The following CAMTA1 variants were observed in gnomAD, a reference collection of about 807,000 sequenced individuals.
CAMTA1 encodes calmodulin binding transcription activator 1.
A neutral mutation model predicts 170.9 loss-of-function variants in CAMTA1; 27 were observed. The ratio of observed to expected loss-of-function variants is 0.16; its 90% CI spans 0.12 to 0.22. CAMTA1 has a LOEUF of 0.22. CAMTA1 is among the 10% of genes least tolerant of loss of function. CAMTA1 has a pLI of 1.00. For synonymous variants in CAMTA1, 833 were observed against 891.5 expected (o/e 0.93, Z 1.17); for missense variants, 1,619 against 2,217.2 (o/e 0.73, Z 5.42).
At chr1:7,706,692 C>T (rs757140950) in intron 11 of CAMTA1, among the ~76,000 whole-genome samples, 2 of 152,084 alleles carry the variant, frequency 1.3e-5, no homozygotes, top group Non-Finnish European at 2.9e-5. Context: ...ATAAATTTAA[C>T]CTAGTAGTGA....
chr1:7,747,695 T>A lies in CAMTA1; in HGVS notation c.4618-15T>A. 1 of 1,572,782 alleles carries A rather than the reference T, an allele frequency of 6.4e-7. No individual in the cohort carries two copies. On this transcript the variant is annotated splice_polypyrimidine_tract_variant and intron_variant, in intron 18 of 22. Transcript: ENST00000303635. ...AATCATTACTGATTTTTTTTCTCCT[T>A]ACTTTACCCTTAAGGGCCGACCCTT... is the stretch of plus-strand genomic sequence containing the variant.
At chr1:7,529,403 C>T (rs919962741) in intron 6 of CAMTA1, among the ~76,000 whole-genome samples, 4 of 152,146 alleles carry the variant, frequency 2.6e-5, no homozygotes, top group African/African-American at 4.8e-5. Flanking sequence ...ATGACGCATA[C>T]CTCCTGGCCT....
chr1:7,235,237 G>T (rs1420641545), intron 4 of CAMTA1, among the ~76,000 whole-genome samples: 1 of 152,080 alleles, frequency 6.6e-6, no homozygotes, highest in Non-Finnish European at 1.5e-5. Flanking sequence ...TGGTTGTTCG[G>T]GATCAGCCTT....
chr1:6,989,620 C>G (rs1695982962), intron 3 of CAMTA1, among the ~76,000 whole-genome samples: 1 of 152,252 alleles, frequency 6.6e-6, no homozygotes, highest in South Asian at 2.1e-4. Flanking sequence ...TAAACCTCTT[C>G]ATTTGGGTGG....
At chr1:6,792,634 A>C (rs1458899572) in intron 1 of CAMTA1, among the ~76,000 whole-genome samples, 1 of 152,060 alleles carries the variant, frequency 6.6e-6, no homozygotes, top group Non-Finnish European at 1.5e-5. Context: ...AGATGGAATG[A>C]CTAGAGATTT....
rs557032219 is a variant in CAMTA1, at chr1:7,585,105, G to C, written c.511-55295G>C. ...ATTCACACAAAGAGGGATGAACTGA[G>C]ACTATAAGTAGCCTCACATCAGTTC... On this transcript the variant is annotated intron_variant, in intron 6 of 22. Transcript: ENST00000303635. This position sits in a 1 kb window ranked among gnomAD's most constrained non-coding sequence, Gnocchi z 4.8. Among the ~76,000 whole-genome samples, 33 of 152,260 alleles carry C rather than the reference G, an allele frequency of 2.2e-4. No individual in the cohort carries two copies. The highest frequency in any genetic ancestry group is 3.7e-4 in the Non-Finnish European group (25 of 68,024).
At chr1:7,243,249 T>C (rs1665211163) in intron 4 of CAMTA1, among the ~76,000 whole-genome samples, 1 of 152,254 alleles carries the variant, frequency 6.6e-6, no homozygotes, top group South Asian at 2.1e-4. Context: ...AAATAAACTT[T>C]ACAATAAAAT....
chr1:7,528,627 G>A (rs1011121176), intron 6 of CAMTA1, among the ~76,000 whole-genome samples: 2 of 152,120 alleles, frequency 1.3e-5, no homozygotes, highest in Non-Finnish European at 2.9e-5. Context: ...ACAGTGGCTG[G>A]TCCTGGGAAA....
At chr1:7,335,349 C>G (rs574113898) in intron 5 of CAMTA1, among the ~76,000 whole-genome samples, 2 of 152,276 alleles carry the variant, frequency 1.3e-5, no homozygotes, top group African/African-American at 4.8e-5. Flanking sequence ...ACCAGTAGCA[C>G]ATTCCTATCG....
intron 5 of CAMTA1, among the ~76,000 whole-genome samples, chr1:7,274,786 C>G (rs2149421842): frequency 6.6e-6 from 1 of 151,998 alleles, no homozygotes; most frequent in African/African-American, 2.4e-5. Flanking sequence ...GAAAAATTCC[C>G]AAATATGTGG....
intron 11 of CAMTA1, among the ~76,000 whole-genome samples, chr1:7,707,157 T>G (rs560481454): frequency 6.6e-6 from 1 of 152,240 alleles, no homozygotes; most frequent in East Asian, 1.9e-4. Flanking sequence ...GTGATGGGAT[T>G]ACAGGCGTGA....
chr1:6,859,636 A>C (rs1194040809), intron 3 of CAMTA1, among the ~76,000 whole-genome samples: 2 of 152,128 alleles, frequency 1.3e-5, no homozygotes, highest in Middle Eastern at 3.2e-3. Flanking sequence ...CAAAATAAAC[A>C]AAATTAGCTG....
rs2092593414 is a variant in CAMTA1 at position 7,443,229 on chromosome 1, G to T, written c.439-24601G>T. ...ATACCCTAGACGTGTATGATGATCTGCATGAAGTCCATTTCCCCACTTTCG... is the reference window on the plus strand; with the variant it reads ...ATACCCTAGACGTGTATGATGATCTTCATGAAGTCCATTTCCCCACTTTCG... On this transcript the variant is annotated intron_variant, in intron 5 of 22. Coordinates refer to ENST00000303635, the MANE Select transcript of CAMTA1 (RefSeq NM_015215.4). The surrounding 1 kb of genome is among the most constrained non-coding windows in gnomAD (Gnocchi z 4.1). Among the ~76,000 whole-genome samples the T allele has an allele frequency of 6.6e-6, 1 of 152,234 alleles. No homozygotes were observed. Among genetic ancestry groups the T allele is most frequent in the Non-Finnish European group, 1.5e-5 (1 of 68,032 alleles).
rs1033915636 is a variant in CAMTA1 at position 6,813,273 on chromosome 1, C to T, written c.46-6908C>T. ...TGTTGAATTGCCCATCTCATAAAATCGTTAACCTGATTTTAGGGAGTGTCT... is the reference window on the plus strand; with the variant it reads ...TGTTGAATTGCCCATCTCATAAAATTGTTAACCTGATTTTAGGGAGTGTCT... On this transcript the variant is annotated intron_variant, in intron 1 of 22. Transcript: ENST00000303635. Among the ~76,000 whole-genome samples, 6 of 152,198 alleles carry T rather than the reference C, an allele frequency of 3.9e-5. No homozygotes were observed. In the East Asian group the frequency reaches 7.7e-4, roughly 20 times the overall value.
intron 5 of CAMTA1, among the ~76,000 whole-genome samples, chr1:7,367,868 G>A (rs1309037348): frequency 6.6e-6 from 1 of 151,826 alleles, no homozygotes. Context: ...TGGTTTCGTT[G>A]GGCACAGACA....
intron 3 of CAMTA1, among the ~76,000 whole-genome samples, chr1:6,898,222 A>G (rs1299162960): frequency 2.0e-5 from 3 of 152,186 alleles, no homozygotes; most frequent in Admixed American, 6.5e-5. Context: ...TACTAGATCC[A>G]TCTGTTGCCC....
At chr1:7,527,063 C>T (rs1047232313) in intron 6 of CAMTA1, among the ~76,000 whole-genome samples, 2 of 152,204 alleles carry the variant, frequency 1.3e-5, no homozygotes, top group African/African-American at 4.8e-5. Flanking sequence ...AGGCCAGCGG[C>T]TGCTCCTCTC....
At chr1:6,997,998 C>CT (rs922658315) in intron 3 of CAMTA1, among the ~76,000 whole-genome samples, 2 of 151,732 alleles carry the variant, frequency 1.3e-5, no homozygotes, top group African/African-American at 2.4e-5. Flanking sequence ...ATCTCTTTAT[C>CT]TTTTTTTTGA....
intron 5 of CAMTA1, among the ~76,000 whole-genome samples, chr1:7,314,979 A>T (rs116317471): frequency 8.5e-5 from 13 of 152,250 alleles, no homozygotes; most frequent in Non-Finnish European, 1.9e-4. Context: ...ACCTTGAGAC[A>T]TTGACAAGAA....
Sources: gnomAD v4.1 joint callset for allele counts (sites outside exome capture counted in the v4.1 genomes callset) on GRCh38, gnomAD v4.1.1 for gene constraint, Gnocchi (gnomAD v3.1) non-coding constraint, MANE v1.5 for transcripts, NCBI Gene and HGNC (gene_info 2026-07-23, HGNC 2026-07-21) for gene names.